Variants in SDK1 observed in about 807,000 individuals in gnomAD.
SDK1 encodes sidekick cell adhesion molecule 1.
A neutral mutation model predicts 245.5 loss-of-function variants in SDK1; 157 were observed. That is an observed-to-expected ratio of 0.64 (90% CI 0.56 to 0.73). SDK1 has a LOEUF of 0.73. SDK1 is among the 30% of genes least tolerant of loss of function. The pLI is 0.00. For synonymous variants in SDK1, 1,647 were observed against 1,278.5 expected (o/e 1.29, Z -6.15); for missense variants, 3,583 against 3,002.3 (o/e 1.19, Z -4.52).
chr7:3,683,687 G>T (rs894402973), intron 4 of SDK1, among the ~76,000 whole-genome samples: 1 of 152,222 alleles, frequency 6.6e-6, no homozygotes, highest in South Asian at 2.1e-4. Context: ...AGAGGCAGCT[G>T]CCTGGGGACC....
chr7:3,852,274 G>A (rs907234067), intron 5 of SDK1, among the ~76,000 whole-genome samples: 1 of 151,636 alleles, frequency 6.6e-6, no homozygotes, highest in Admixed American at 6.6e-5. Context: ...TAGAAAACTG[G>A]CCAGCCGAGA....
rs773356185 is a variant in SDK1, at chr7:4,210,140, C to A, written c.5517C>A (p.Tyr1839Ter). The change falls in exon 38 of 45, where the codon TAC (tyrosine) becomes TAA (stop). Residue 1839 changes from tyrosine (Y) to a stop codon, truncating the protein, a stop_gained. Transcript: ENST00000404826. LOFTEE classifies it high-confidence loss of function. ...NGILQGYRVV[Y>*]EPLAPVQGVS... ...TCCTGCAGGGCTATCGGGTGGTGTA[C>A]GAGCCCTTGGCCCCTGTACAAGGTA... 1 of 1,594,012 alleles carries A rather than the reference C, an allele frequency of 6.3e-7. No individual in the cohort carries two copies. The highest frequency in any genetic ancestry group is 8.5e-7 in the Non-Finnish European group (1 of 1,171,834).
At chr7:3,706,850 A>T (rs768113883) in intron 4 of SDK1, among the ~76,000 whole-genome samples, 1 of 152,176 alleles carries the variant, frequency 6.6e-6, no homozygotes, top group Non-Finnish European at 1.5e-5. Context: ...GTGTGCACAA[A>T]GGTGTTCATA....
intron 38 of SDK1, among the ~76,000 whole-genome samples, chr7:4,219,471 G>A (rs528600490): frequency 1.3e-5 from 2 of 152,318 alleles, no homozygotes; most frequent in Admixed American, 6.5e-5. Flanking sequence ...ATGGTGGCAG[G>A]CAAGAGAGCA....
rs1006817405 is a variant in SDK1, at chr7:4,267,146, G to C, written c.*1762G>C. On this transcript the variant is annotated 3_prime_UTR_variant, in exon 45 of 45. Transcript: ENST00000404826. ...CCCCTTTTCAGTCTTTCCAAAATTA[G>C]AGGGTATGGCAAGTTTCCTTTTTTC... 5 of 985,182 alleles carry C rather than the reference G, an allele frequency of 5.1e-6. No homozygotes were observed. Among genetic ancestry groups the C allele is most frequent in the Non-Finnish European group, 6.0e-6 (5 of 829,900 alleles). The allele number at this position is 985,182 out of a possible 1,614,324, so 61.0% of individuals were successfully genotyped here. A position where few individuals can be genotyped will look rare whatever the true frequency, so the allele number is the denominator to read the frequency against.
At chr7:3,802,765 C>A (rs1407789670) in intron 4 of SDK1, among the ~76,000 whole-genome samples, 6 of 152,164 alleles carry the variant, frequency 3.9e-5, no homozygotes, top group Non-Finnish European at 2.9e-5. Context: ...TCTTGAGACC[C>A]ATCCAAGTTG....
chr7:3,345,965 T>G (rs575361050), intron 1 of SDK1, among the ~76,000 whole-genome samples: 2 of 152,234 alleles, frequency 1.3e-5, no homozygotes, highest in African/African-American at 4.8e-5. Context: ...TTCTGTCTTT[T>G]AAGCATAATA....
At chr7:3,887,884 CG>C (rs1781374271) in intron 5 of SDK1, among the ~76,000 whole-genome samples, 1 of 152,166 alleles carries the variant, frequency 6.6e-6, no homozygotes, top group South Asian at 2.1e-4. Context: ...TAGCAACTGA[CG>C]TAAGATTTGC....
chr7:3,451,558 A>G (rs1427613905), intron 1 of SDK1, among the ~76,000 whole-genome samples: 1 of 152,196 alleles, frequency 6.6e-6, no homozygotes, highest in African/African-American at 2.4e-5. Flanking sequence ...CAGTAGAATC[A>G]GAAACAAGTC....
intron 1 of SDK1, among the ~76,000 whole-genome samples, chr7:3,306,806 G>A (rs1779428358): frequency 6.6e-6 from 1 of 152,164 alleles, no homozygotes; most frequent in South Asian, 2.1e-4. Context: ...GTGGCATGTA[G>A]TGTCTTTCTG....
chr7:3,893,819 C>A (rs1278749882), intron 5 of SDK1, among the ~76,000 whole-genome samples: 2 of 152,108 alleles, frequency 1.3e-5, no homozygotes, highest in Admixed American at 6.6e-5. Context: ...TCACCTGCCC[C>A]CACCCTCACC....
intron 1 of SDK1, among the ~76,000 whole-genome samples, chr7:3,578,508 C>G (rs762569694): frequency 6.6e-6 from 1 of 152,004 alleles, no homozygotes; most frequent in South Asian, 2.1e-4. Context: ...TTTACTAGTA[C>G]AGGGTTTCCC....
chr7:3,780,699 C>T (rs544295291), intron 4 of SDK1, among the ~76,000 whole-genome samples: 1 of 152,268 alleles, frequency 6.6e-6, no homozygotes, highest in South Asian at 2.1e-4. Context: ...CGAGCTGTGG[C>T]TCCACCTAGC....
At position 3,481,184 on chromosome 7, in the gene SDK1, G is replaced by T. The variant is rs143864105; in HGVS notation, c.299-137896G>T. ...ATTTTAAGAGGCAATTTAAAAAGTT[G>T]TTTTTTGGGCAATAATCCTTTACAG... On this transcript the variant is annotated intron_variant, in intron 1 of 44. Transcript: ENST00000404826. Among the ~76,000 whole-genome samples, 188 of 152,188 alleles carry T rather than the reference G, an allele frequency of 1.2e-3. 2 individuals carry two copies. The East Asian group carries it at 0.029, about 24-fold the overall frequency.
At chr7:3,838,502 G>A (rs952464639) in intron 5 of SDK1, among the ~76,000 whole-genome samples, 19 of 152,258 alleles carry the variant, frequency 1.2e-4, no homozygotes, top group African/African-American at 4.1e-4. Context: ...GCTGGAGTCA[G>A]CAGGTGCCTC....
Position 3,337,517 on chromosome 7 carries a change from G to T in SDK1, c.298+35633G>T, listed in dbSNP as rs182447369. Among the ~76,000 whole-genome samples, 165 of 152,148 alleles carry T rather than the reference G, an allele frequency of 1.1e-3. 2 individuals carry two copies. The highest frequency in any genetic ancestry group is 3.8e-3 in the African/African-American group (157 of 41,510). ...CTATAATTTCTCAAATTTGGTGAAA[G>T]ACAGAAAGCTGTAGATCTAAGAAGC... On this transcript the variant is annotated intron_variant, in intron 1 of 44. Coordinates refer to ENST00000404826, the MANE Select transcript of SDK1 (RefSeq NM_152744.4).
intron 20 of SDK1, among the ~76,000 whole-genome samples, chr7:4,076,681 C>T (rs890561546): frequency 6.6e-6 from 1 of 152,234 alleles, no homozygotes; most frequent in African/African-American, 2.4e-5. Context: ...CGTCATGTTT[C>T]AGTTCACGCA....
intron 19 of SDK1, among the ~76,000 whole-genome samples, chr7:4,056,445 A>G (rs754427213): frequency 2.0e-5 from 3 of 152,132 alleles, no homozygotes; most frequent in Non-Finnish European, 2.9e-5. Flanking sequence ...GATCCAAGAG[A>G]GAAGCTGGAA....
At position 4,235,691 on chromosome 7, in the gene SDK1, G is replaced by A. The variant is rs140609635; in HGVS notation, c.5993-1956G>A. ...AGAAAGCCGGTTCCTCATGCGGAACGTGCACTTTGACCCCACTTCCCAGGG... is the reference window on the plus strand; with the variant it reads ...AGAAAGCCGGTTCCTCATGCGGAACATGCACTTTGACCCCACTTCCCAGGG... On this transcript the variant is annotated intron_variant, in intron 41 of 44. Transcript: ENST00000404826. Among the ~76,000 whole-genome samples, 393 of 152,320 alleles carry A rather than the reference G, an allele frequency of 2.6e-3. 2 individuals carry two copies. The highest frequency in any genetic ancestry group is 8.7e-3 in the African/African-American group (360 of 41,564).
Sources: gnomAD v4.1 joint callset for allele counts (sites outside exome capture counted in the v4.1 genomes callset) on GRCh38, gnomAD v4.1.1 for gene constraint, MANE v1.5 for transcripts, NCBI Gene and HGNC (gene_info 2026-07-23, HGNC 2026-07-21) for gene names.